The following IQCH variants were observed in gnomAD, a reference collection of about 807,000 sequenced individuals.
IQCH encodes the protein IQ motif containing H.
In IQCH, 98 loss-of-function variants were observed where a neutral mutation model predicts 117.0. That is an observed-to-expected ratio of 0.84 (90% CI 0.71 to 0.99). The LOEUF (loss-of-function observed/expected upper bound fraction) is 0.99, where lower values mean the gene tolerates loss of function less well. Among genes scored for constraint, IQCH ranks in the 50% least tolerant of loss-of-function variants. IQCH has a pLI of 0.00. For synonymous variants in IQCH, 412 were observed against 448.2 expected (o/e 0.92, Z 1.02); for missense variants, 1,102 against 1,243.8 (o/e 0.89, Z 1.72).
Position 67,401,759 on chromosome 15 carries a change from G to A in IQCH, c.2097+1454G>A, listed in dbSNP as rs1443206117. ...CCAGCTTTTTACATATTATTTAAAA[G>A]ACACCAAAATGAATTACTCTTCTAG... On this transcript the variant is annotated intron_variant, in intron 14 of 20. Transcript: ENST00000335894. The surrounding 1 kb of genome is among the most constrained non-coding windows in gnomAD (Gnocchi z 4.7). 2.0e-5 allele frequency among the ~76,000 whole-genome samples: 3 copies of A among 152,058 alleles called. No individual in the cohort carries two copies. Among genetic ancestry groups the A allele is most frequent in the African/African-American group, 7.3e-5 (3 of 41,372 alleles).
chr15:67,294,169 T>G (rs1467928178), intron 4 of IQCH, among the ~76,000 whole-genome samples: 1 of 152,148 alleles, frequency 6.6e-6, no homozygotes, highest in East Asian at 1.9e-4. Flanking sequence ...CCAGCTCACA[T>G]ATAGTATGTT....
chr15:67,390,218 G>A lies in IQCH; in HGVS notation c.1632+1212G>A, dbSNP rs1971240161. ...CTCCACCAATGTAAGAATTTCTTTG[G>A]TGCTTCCTAGTTATTGCTTGGCCTC... On this transcript the variant is annotated intron_variant, in intron 12 of 20. Transcript: ENST00000335894. The surrounding 1 kb of genome is among the most constrained non-coding windows in gnomAD (Gnocchi z 5.0). Among the ~76,000 whole-genome samples the A allele has an allele frequency of 1.3e-5, 2 of 152,242 alleles. No individual in the cohort carries two copies. Among genetic ancestry groups the A allele is most frequent in the South Asian group, 4.2e-4 (2 of 4,814 alleles).
Position 67,496,715 on chromosome 15 carries a change from A to G in IQCH, c.2970+2349A>G, listed in dbSNP as rs1162011150. 6.6e-6 allele frequency among the ~76,000 whole-genome samples: 1 copy of G among 152,042 alleles called. No individual in the cohort carries two copies. The highest frequency in any genetic ancestry group is 1.5e-5 in the Non-Finnish European group (1 of 68,002). ...AGAAGAAGGAGAAGGAGAAAAGAAG[A>G]AGAAATAAAAGTAAAAGTATCGGCC... is the stretch of plus-strand genomic sequence containing the variant. On this transcript the variant is annotated intron_variant, in intron 20 of 20. Coordinates refer to ENST00000335894, the MANE Select transcript of IQCH (RefSeq NM_001031715.3). This position sits in a 1 kb window ranked among gnomAD's most constrained non-coding sequence, Gnocchi z 4.4.
At position 67,254,923 on chromosome 15, in the gene IQCH, C is replaced by G; in HGVS notation, c.27C>G (p.Asp9Glu). The change falls in exon 1 of 21, where the codon GAC becomes GAG. Residue 9 changes from aspartate (D) to glutamate (E), a missense_variant. Coordinates refer to ENST00000335894, the MANE Select transcript of IQCH (RefSeq NM_001031715.3). The stretch of plus-strand genomic sequence containing the variant: ...TGGCACAGAACACTGAAAACCACGA[C>G]CCTGTCGGATCCATCTTAATCCAGG... MAQNTENH[D>E]PVGSILIQIH... 5 of 1,613,874 alleles carry G rather than the reference C, an allele frequency of 3.1e-6. No individual in the cohort carries two copies. The highest frequency in any genetic ancestry group is 3.4e-6 in the Non-Finnish European group (4 of 1,179,840).
chr15:67,255,243 A>G (rs1461921997), intron 1 of IQCH: 7 of 480,002 alleles, frequency 1.5e-5, no homozygotes, highest in Non-Finnish European at 2.6e-5. Flanking sequence ...CTGAGGCATC[A>G]TTTTTAAATG....
In IQCH at chr15:67,432,164, TAAG is replaced by T; in HGVS notation, c.2505+10593_2505+10595del. Among the ~76,000 whole-genome samples, 1 of 152,272 alleles carries T rather than the reference TAAG, an allele frequency of 6.6e-6. No individual in the cohort carries two copies. The highest frequency in any genetic ancestry group is 3.4e-3 in the Middle Eastern group (1 of 294). On this transcript the variant is annotated intron_variant, in intron 16 of 20. Coordinates refer to ENST00000335894, the MANE Select transcript of IQCH (RefSeq NM_001031715.3). This position sits in a 1 kb window ranked among gnomAD's most constrained non-coding sequence, Gnocchi z 5.0. ...AGGAAATTAAAGAAAATCCAAGCTTTAAGAAGAATTGATATGAAAACTAGCTAT... is the reference window on the plus strand; with the variant it reads ...AGGAAATTAAAGAAAATCCAAGCTTTAAGAATTGATATGAAAACTAGCTAT...
In IQCH at chr15:67,465,955, C is replaced by T. The variant is rs780098689; in HGVS notation, c.2676+658C>T. 7.2e-5 allele frequency among the ~76,000 whole-genome samples: 11 copies of T among 152,352 alleles called. No individual in the cohort carries two copies. Among genetic ancestry groups the T allele is most frequent in the Admixed American group, 2.6e-4 (4 of 15,308 alleles). The stretch of plus-strand genomic sequence containing the variant: ...CCTGTGCCCTCAGCCTAAACAGACA[C>T]GGCAGCCAAGGTGGCAAGGTGAAAA... On this transcript the variant is annotated intron_variant, in intron 17 of 20. Coordinates refer to ENST00000335894, the MANE Select transcript of IQCH (RefSeq NM_001031715.3). The surrounding 1 kb of genome is among the most constrained non-coding windows in gnomAD (Gnocchi z 5.9).
intron 4 of IQCH, among the ~76,000 whole-genome samples, chr15:67,302,910 A>G (rs1295989098): frequency 2.0e-5 from 3 of 152,216 alleles, no homozygotes; most frequent in African/African-American, 7.2e-5. Context: ...AGTAAAAGGA[A>G]GATTTGGGAT....
chr15:67,396,410 G>C (rs4776357), intron 13 of IQCH, among the ~76,000 whole-genome samples: 1 of 152,188 alleles, frequency 6.6e-6, no homozygotes, highest in Non-Finnish European at 1.5e-5. Context: ...AAAACTGTCT[G>C]TTTTCGTTTT....
At chr15:67,255,009 C>G in intron 1 of IQCH, 62 bp downstream of exon 1, 2 of 1,520,806 alleles carry the variant, frequency 1.3e-6, no homozygotes, top group Non-Finnish European at 1.8e-6. Context: ...AGCGAGGTCC[C>G]GCGCGCCGAT....
chr15:67,342,264 C>G lies in IQCH; in HGVS notation c.509-1799C>G, dbSNP rs1475081261. ...CCTGATCAACAGAATGAGACCCTGT[C>G]TCTAAAAAAGCAAAACAAAACAAAG... is the stretch of plus-strand genomic sequence containing the variant. On this transcript the variant is annotated intron_variant, in intron 5 of 20. Coordinates refer to ENST00000335894, the MANE Select transcript of IQCH (RefSeq NM_001031715.3). This position sits in a 1 kb window ranked among gnomAD's most constrained non-coding sequence, Gnocchi z 4.7. Among the ~76,000 whole-genome samples the G allele has an allele frequency of 6.6e-6, 1 of 152,084 alleles. No homozygotes were observed. Among genetic ancestry groups the G allele is most frequent in the Non-Finnish European group, 1.5e-5 (1 of 68,036 alleles).
chr15:67,332,129 T>C (rs1366656611), intron 4 of IQCH, among the ~76,000 whole-genome samples: 2 of 152,116 alleles, frequency 1.3e-5, no homozygotes, highest in African/African-American at 4.8e-5. Context: ...GAAAGGGTAT[T>C]CGATAATATA....
At chr15:67,428,788 G>A (rs1267368706) in intron 16 of IQCH, among the ~76,000 whole-genome samples, 1 of 151,028 alleles carries the variant, frequency 6.6e-6, no homozygotes, top group African/African-American at 2.4e-5. Context: ...GGTGGAGGTT[G>A]CAGTGAACTG....
rs1386009518 is a variant in IQCH, at chr15:67,491,797, T to G, written c.2861+1733T>G. On this transcript the variant is annotated intron_variant, in intron 19 of 20. Transcript: ENST00000335894. The surrounding 1 kb of genome is among the most constrained non-coding windows in gnomAD (Gnocchi z 4.9). The stretch of plus-strand genomic sequence containing the variant: ...ACATTCTGCCCCTCAGCTCCCTCCC[T>G]GCCCCACCCTTCCTTACCAGAAAAT... 7.0e-6 allele frequency among the ~76,000 whole-genome samples: 1 copy of G among 143,572 alleles called. No homozygotes were observed. The highest frequency in any genetic ancestry group is 1.5e-5 in the Non-Finnish European group (1 of 65,094). 94.2% of individuals were successfully genotyped at this position (143,572 alleles called of 152,430 possible).
At position 67,321,933 on chromosome 15, in the gene IQCH, A is replaced by G. The variant is rs184397469; in HGVS notation, c.388-15042A>G. ...TTACATGTGCATTTGAAAAGAATGT[A>G]TATCCTACAATTGTTGGTTTGTGGT... On this transcript the variant is annotated intron_variant, in intron 4 of 20. Transcript: ENST00000335894. Among the ~76,000 whole-genome samples, 5 of 152,352 alleles carry G rather than the reference A, an allele frequency of 3.3e-5. No individual in the cohort carries two copies. In the East Asian group the frequency reaches 9.6e-4, roughly 29 times the overall value.
chr15:67,357,316 A>G lies in IQCH; in HGVS notation c.638-29A>G, dbSNP rs202039610. ...AGTGACTCAGCCTCTTCTTCTGGAA[A>G]AGGTAACATGTACTATCTTCATCCA... is the stretch of plus-strand genomic sequence containing the variant. On this transcript the variant is annotated intron_variant, in intron 6 of 20. Coordinates refer to ENST00000335894, the MANE Select transcript of IQCH (RefSeq NM_001031715.3). 2.7e-5 allele frequency: 40 copies of G among 1,486,046 alleles called. No individual in the cohort carries two copies. The Admixed American group carries it at 4.5e-4, about 17-fold the overall frequency. The allele number at this position is 1,486,046 out of a possible 1,614,324, so 92.1% of individuals were successfully genotyped here. A position where few individuals can be genotyped will look rare whatever the true frequency, so the allele number is the denominator to read the frequency against.
intron 16 of IQCH, among the ~76,000 whole-genome samples, chr15:67,439,733 A>G (rs191029780): frequency 2.6e-3 from 397 of 151,936 alleles, no homozygotes; most frequent in African/African-American, 8.9e-3. Flanking sequence ...TAAAAATACA[A>G]AAAAAATAGC....
In IQCH at chr15:67,376,627, T is replaced by C. The variant is rs1238814814; in HGVS notation, c.1372+3194T>C. Among the ~76,000 whole-genome samples the C allele has an allele frequency of 6.6e-6, 1 of 152,206 alleles. No homozygotes were observed. Among genetic ancestry groups the C allele is most frequent in the East Asian group, 1.9e-4 (1 of 5,200 alleles). ...CTAAGTAGTTGATAACTGCATAATA[T>C]ATTGTAGTTGTAAGCATTTGGTTAT... On this transcript the variant is annotated intron_variant, in intron 10 of 20. Transcript: ENST00000335894. This position sits in a 1 kb window ranked among gnomAD's most constrained non-coding sequence, Gnocchi z 5.0.
chr15:67,359,817 A>G lies in IQCH; in HGVS notation c.715-30A>G. The G allele has an allele frequency of 1.5e-5, 18 of 1,231,470 alleles. No homozygotes were observed. The highest frequency in any genetic ancestry group is 5.1e-5 in the East Asian group (2 of 39,124). 76.3% of individuals were successfully genotyped at this position (1,231,470 alleles called of 1,614,324 possible). A position where few individuals can be genotyped will look rare whatever the true frequency, so the allele number is the denominator to read the frequency against. Reference sequence around the variant, plus strand: ...AAAATTGCCCATGAGAGTCGTTTTGATTTAAACTGTGTCTCATTCTTCATT... The same window carrying G: ...AAAATTGCCCATGAGAGTCGTTTTGGTTTAAACTGTGTCTCATTCTTCATT... On this transcript the variant is annotated intron_variant, in intron 7 of 20. Transcript: ENST00000335894. The surrounding 1 kb of genome is among the most constrained non-coding windows in gnomAD (Gnocchi z 4.5).
Sources: gnomAD v4.1 joint callset for allele counts (sites outside exome capture counted in the v4.1 genomes callset) on GRCh38, gnomAD v4.1.1 for gene constraint, Gnocchi (gnomAD v3.1) non-coding constraint, MANE v1.5 for transcripts, NCBI Gene and HGNC (gene_info 2026-07-23, HGNC 2026-07-21) for gene names.